Variants in ACO2 observed in about 807,000 individuals in gnomAD.
ACO2 encodes aconitase 2.
Under a neutral mutation model 84.5 loss-of-function variants are expected in ACO2, and 31 were observed. The ratio of observed to expected loss-of-function variants is 0.37; its 90% CI spans 0.28 to 0.50. The LOEUF is 0.50. Ranked by LOEUF, ACO2 falls within the 20% of genes least tolerant of loss-of-function variation. The pLI is 0.97. For synonymous variants in ACO2, 414 were observed against 412.7 expected (o/e 1.00, Z -0.04); for missense variants, 685 against 1,029.3 (o/e 0.67, Z 4.58).
intron 4 of ACO2, among the ~76,000 whole-genome samples, chr22:41,512,770 T>C (rs1216307066): frequency 6.6e-6 from 1 of 152,196 alleles, no homozygotes; most frequent in Non-Finnish European, 1.5e-5. Flanking sequence ...TCTCTGGAAG[T>C]GCAAGTGTGA....
chr22:41,514,004 G>A (rs996574249), intron 4 of ACO2, among the ~76,000 whole-genome samples: 9 of 148,876 alleles, frequency 6.0e-5, no homozygotes, highest in East Asian at 1.9e-4. Context: ...CCCAGCCTTC[G>A]TGGATCCAAC....
chr22:41,470,528 CTTT>C (rs71184811), intron 1 of ACO2, among the ~76,000 whole-genome samples: 122 of 95,766 alleles, frequency 1.3e-3, no homozygotes, highest in Middle Eastern at 6.7e-3. Context: ...CTCTTTACAT[CTTT>C]TTTTTTTTTT....
chr22:41,476,730 AAAC>A (rs1415646299), intron 1 of ACO2, among the ~76,000 whole-genome samples: 1 of 152,102 alleles, frequency 6.6e-6, no homozygotes, highest in Non-Finnish European at 1.5e-5. Flanking sequence ...CAAAACAAAA[AAAC>A]AAAAAAACAC....
intron 1 of ACO2, among the ~76,000 whole-genome samples, chr22:41,487,770 C>G (rs956137672): frequency 6.6e-6 from 1 of 152,076 alleles, no homozygotes; most frequent in African/African-American, 2.4e-5. Context: ...GGCCTCTCCA[C>G]TTGGGTATCA....
chr22:41,507,084 G>C (rs910021073), intron 2 of ACO2, among the ~76,000 whole-genome samples: 2 of 152,088 alleles, frequency 1.3e-5, no homozygotes, highest in Non-Finnish European at 1.5e-5. Context: ...GGAAGGGAGG[G>C]GTGGGGCCTC....
chr22:41,503,686 G>T (rs139807626), intron 2 of ACO2, among the ~76,000 whole-genome samples: 1 of 152,136 alleles, frequency 6.6e-6, no homozygotes, highest in African/African-American at 2.4e-5. Context: ...GGGGTGGTCA[G>T]TTTTGTCCCT....
intron 7 of ACO2, 150 bp from the exon 8 acceptor site, chr22:41,518,330 AG>A: frequency 3.1e-6 from 2 of 643,528 alleles, no homozygotes; most frequent in Non-Finnish European, 5.6e-6. Flanking sequence ...GAGCTCTGTA[AG>A]GGCAGAGACA....
intron 6 of ACO2, 140 bp from the exon 7 acceptor site, chr22:41,517,387 G>A (rs1292626136): frequency 2.9e-6 from 2 of 699,972 alleles, no homozygotes; most frequent in Admixed American, 2.1e-5. Context: ...GGGATGAGTC[G>A]GCCCGCTGTC....
At position 41,505,424 on chromosome 22, in the gene ACO2, TAAC is replaced by T. The variant is rs566399870; in HGVS notation, c.174-2364_174-2362del. 7.8e-4 allele frequency among the ~76,000 whole-genome samples: 110 copies of T among 141,010 alleles called. No individual in the cohort carries two copies. In the East Asian group the frequency reaches 0.013, roughly 16 times the overall value. 92.5% of individuals were successfully genotyped at this position (141,010 alleles called of 152,430 possible). On this transcript the variant is annotated intron_variant, in intron 2 of 17. Coordinates refer to ENST00000216254, the MANE Select transcript of ACO2 (RefSeq NM_001098.3). Reference sequence around the variant, plus strand: ...AGAGCAAGACCCTGTCTCAAAATAATAACAATAATAATAATAATAATAATAATA... The same window carrying T: ...AGAGCAAGACCCTGTCTCAAAATAATAATAATAATAATAATAATAATAATA...
intron 1 of ACO2, among the ~76,000 whole-genome samples, chr22:41,480,110 C>G (rs905239555): frequency 6.6e-6 from 1 of 152,170 alleles, no homozygotes; most frequent in Non-Finnish European, 1.5e-5. Flanking sequence ...CCAGGCATCG[C>G]CTACCAGGAG....
chr22:41,481,717 G>T (rs971589524), intron 1 of ACO2, among the ~76,000 whole-genome samples: 1 of 152,208 alleles, frequency 6.6e-6, no homozygotes, highest in Non-Finnish European at 1.5e-5. Context: ...GCTCATCACG[G>T]CTTCTGCCAG....
chr22:41,486,189 T>C (rs2038152403), intron 1 of ACO2, among the ~76,000 whole-genome samples: 1 of 152,190 alleles, frequency 6.6e-6, no homozygotes, highest in African/African-American at 2.4e-5. Context: ...GGCATATTAG[T>C]CTAGTGACTG....
Position 41,526,424 on chromosome 22 carries a change from C to A in ACO2, c.1924C>A (p.Pro642Thr). The A allele has an allele frequency of 6.2e-7, 1 of 1,613,612 alleles. No homozygotes were observed. Among genetic ancestry groups the A allele is most frequent in the Non-Finnish European group, 8.5e-7 (1 of 1,179,816 alleles). ...CAATGCCGTCACTCAGGAGTTTGGC[C>A]CCGTCCCTGACACTGCCCGCTACTA... ...VRNAVTQEFGPVPDTARYYKK... is the reference protein window; with the variant it reads ...VRNAVTQEFGTVPDTARYYKK... The change falls in exon 15 of 18, where the codon CCC becomes ACC. Residue 642 changes from proline (P) to threonine (T), a missense_variant. By Grantham distance (38) the Pro-to-Thr change is conservative (BLOSUM62 -1). Transcript: ENST00000216254.
At chr22:41,523,722 G>C in intron 11 of ACO2, 108 bp from the exon 12 acceptor site, 1 of 1,017,114 alleles carries the variant, frequency 9.8e-7, no homozygotes, top group South Asian at 1.3e-5. Flanking sequence ...ATTTTCCCTC[G>C]GTAGGAGCTA....
At chr22:41,479,235 G>A (rs6002392) in intron 1 of ACO2, among the ~76,000 whole-genome samples, 6,630 of 152,210 alleles carry the variant, frequency 0.044, 453 homozygotes, top group African/African-American at 0.15. Context: ...TGTTTGGTCC[G>A]CCCACAGACA....
chr22:41,478,764 C>CTTTTTTTT (rs761466511), intron 1 of ACO2, among the ~76,000 whole-genome samples: 1 of 125,894 alleles, frequency 7.9e-6, no homozygotes, highest in African/African-American at 3.0e-5. Context: ...CACATATCTT[C>CTTTTTTTT]TTTTTTTTTT....
At chr22:41,507,020 C>T (rs1472538799) in intron 2 of ACO2, among the ~76,000 whole-genome samples, 1 of 151,882 alleles carries the variant, frequency 6.6e-6, no homozygotes, top group Non-Finnish European at 1.5e-5. Context: ...ACGGTTGAGT[C>T]CTGACAGGGC....
At chr22:41,469,678 G>A (rs1201714561) in intron 1 of ACO2, among the ~76,000 whole-genome samples, 1 of 152,142 alleles carries the variant, frequency 6.6e-6, no homozygotes, top group Non-Finnish European at 1.5e-5. Flanking sequence ...AGGACCCTGC[G>A]GAACGTGGAA....
At chr22:41,487,141 C>A (rs865973005) in intron 1 of ACO2, among the ~76,000 whole-genome samples, 21 of 152,312 alleles carry the variant, frequency 1.4e-4, no homozygotes, top group African/African-American at 5.1e-4. Flanking sequence ...ACCTCAGCCT[C>A]CCAGAGTGCT....
Sources: allele counts gnomAD v4.1 joint callset (sites outside exome capture counted in the v4.1 genomes callset), GRCh38; gene constraint gnomAD v4.1.1; transcripts MANE v1.5; gene names NCBI Gene and HGNC (gene_info 2026-07-23, HGNC 2026-07-21).